Variants in PDE4D observed in about 807,000 individuals in gnomAD.
PDE4D encodes the protein phosphodiesterase 4D.
In PDE4D, 24 loss-of-function variants were observed where a neutral mutation model predicts 87.4. That is an observed-to-expected ratio of 0.27 (90% CI 0.20 to 0.39). PDE4D has a LOEUF of 0.39. PDE4D is among the 10% of genes least tolerant of loss of function. The pLI, the probability that PDE4D is intolerant of heterozygous loss-of-function variation, is 1.00. For synonymous variants in PDE4D, 384 were observed against 383.2 expected (o/e 1.00, Z -0.02); for missense variants, 714 against 1,041.0 (o/e 0.69, Z 4.32).
chr5:59,330,929 C>T (rs2153576782), intron 1 of PDE4D, among the ~76,000 whole-genome samples: 1 of 152,170 alleles, frequency 6.6e-6, no homozygotes, highest in East Asian at 1.9e-4. Context: ...GCACCAGCAC[C>T]TCCTCAAGGG....
intron 5 of PDE4D, among the ~76,000 whole-genome samples, chr5:59,078,704 T>C (rs1295414058): frequency 6.6e-6 from 1 of 151,704 alleles, no homozygotes; most frequent in Non-Finnish European, 1.5e-5. Context: ...ATTGATAGGG[T>C]TTCTTCATGT....
At chr5:59,333,291 C>T (rs1393200320) in intron 1 of PDE4D, among the ~76,000 whole-genome samples, 1 of 152,064 alleles carries the variant, frequency 6.6e-6, no homozygotes, top group African/African-American at 2.4e-5. Flanking sequence ...TGAAGGGCAG[C>T]ATTTTTCTTT....
chr5:60,206,639 T>TA (rs1252977449), intron 1 of PDE4D, among the ~76,000 whole-genome samples: 2 of 152,226 alleles, frequency 1.3e-5, no homozygotes, highest in Admixed American at 1.3e-4. Context: ...TGTGTGCTCA[T>TA]AAAATGCATA....
chr5:59,065,836 C>A (rs769509264), intron 5 of PDE4D, among the ~76,000 whole-genome samples: 1 of 152,084 alleles, frequency 6.6e-6, no homozygotes, highest in Admixed American at 6.6e-5. Flanking sequence ...TGATTTGGGA[C>A]TCTCTTATAA....
At chr5:59,031,387 ATAT>A (rs1757429619) in intron 6 of PDE4D, among the ~76,000 whole-genome samples, 1 of 71,696 alleles carries the variant, frequency 1.4e-5, no homozygotes, top group African/African-American at 6.6e-5. Flanking sequence ...ATATATATAT[ATAT>A]ATTATATATA....
Position 59,893,567 on chromosome 5 carries a change from T to C in PDE4D, c.56A>G (p.Asp19Gly). The C allele has an allele frequency of 6.5e-7, 1 of 1,530,346 alleles. No individual in the cohort carries two copies. The highest frequency in any genetic ancestry group is 8.8e-7 in the Non-Finnish European group (1 of 1,138,756). 94.8% of individuals were successfully genotyped at this position (1,530,346 alleles called of 1,614,324 possible). A position where few individuals can be genotyped will look rare whatever the true frequency, so the allele number is the denominator to read the frequency against. Residue 19 changes from aspartate to glycine, a missense_variant, in exon 1 of 15, where the codon GAC (aspartate) becomes GGC (glycine). By Grantham distance (94) the Asp-to-Gly change is moderately conservative (BLOSUM62 -1). This residue lies in a region of PDE4D where 268 missense variants were observed against 272.9 expected (regional missense o/e 0.98). Coordinates refer to ENST00000340635, the MANE Select transcript of PDE4D (RefSeq NM_001104631.2). ...PARAGSGEGS[D>G]SAGGATLKAP... is the part of the protein sequence containing the mutation. ...TTTGAGCGTGGCCCCGCCGGCGCTG[T>C]CGCTGCCCTCTCCGCTGCCCGCCCG... is the stretch of plus-strand genomic sequence containing the variant.
At chr5:60,087,766 C>G (rs1442192707) in intron 2 of PDE4D, among the ~76,000 whole-genome samples, 1 of 151,942 alleles carries the variant, frequency 6.6e-6, no homozygotes, top group Non-Finnish European at 1.5e-5. Context: ...ATCAAGCAAA[C>G]TAACTTCCAC....
Position 59,021,510 on chromosome 5 carries a change from C to T in PDE4D, c.921+17349G>A, listed in dbSNP as rs554223141. On this transcript the variant is annotated intron_variant, in intron 6 of 14. Transcript: ENST00000340635. ...GACCTTTTATGTTTAAAAATAGTTC[C>T]ATTCCTCATCCCTCCTAAGGATAGG... Among the ~76,000 whole-genome samples the T allele has an allele frequency of 2.0e-5, 3 of 152,216 alleles. No individual in the cohort carries two copies. In the South Asian group the frequency reaches 6.2e-4, roughly 32 times the overall value.
chr5:59,192,616 A>G (rs1333979564), intron 3 of PDE4D, among the ~76,000 whole-genome samples: 1 of 152,238 alleles, frequency 6.6e-6, no homozygotes, highest in Non-Finnish European at 1.5e-5. Context: ...AGGCCTGATT[A>G]TAATTTTTAC....
At chr5:60,491,737 A>G (rs572059512), upstream of PDE4D, among the ~76,000 whole-genome samples, 1 of 152,226 alleles carries the variant, frequency 6.6e-6, no homozygotes, top group Non-Finnish European at 1.5e-5. Context: ...TGCTTTAAAC[A>G]TGTAAAGCAG....
chr5:59,377,943 G>T (rs1305611534), intron 1 of PDE4D, among the ~76,000 whole-genome samples: 2 of 152,026 alleles, frequency 1.3e-5, no homozygotes, highest in South Asian at 2.1e-4. Flanking sequence ...ATACCCAAAG[G>T]AATAGAAATT....
chr5:60,046,654 T>C (rs1478240402), intron 2 of PDE4D, among the ~76,000 whole-genome samples: 1 of 152,234 alleles, frequency 6.6e-6, no homozygotes, highest in African/African-American at 2.4e-5. Flanking sequence ...GTTCTGTTTA[T>C]ATGCTGGATT....
intron 1 of PDE4D, among the ~76,000 whole-genome samples, chr5:59,460,585 A>C (rs1036005794): frequency 3.3e-5 from 5 of 152,196 alleles, no homozygotes; most frequent in African/African-American, 1.2e-4. Context: ...ATATGCTAAC[A>C]GTTGGCAGTG....
At chr5:59,296,418 A>T (rs928258044) in intron 1 of PDE4D, among the ~76,000 whole-genome samples, 1 of 151,338 alleles carries the variant, frequency 6.6e-6, no homozygotes, top group African/African-American at 2.4e-5. Flanking sequence ...CAATTTATTA[A>T]AAAAAAAATC....
intron 1 of PDE4D, among the ~76,000 whole-genome samples, chr5:60,485,190 T>C (rs1749041239): frequency 6.6e-6 from 1 of 152,190 alleles, no homozygotes; most frequent in Non-Finnish European, 1.5e-5. Context: ...GGTGGTGTGC[T>C]TTTTCTGTGG....
intron 1 of PDE4D, among the ~76,000 whole-genome samples, chr5:59,641,192 T>G (rs1219135888): frequency 6.6e-6 from 1 of 152,146 alleles, no homozygotes; most frequent in Non-Finnish European, 1.5e-5. Flanking sequence ...CTGACCAAAC[T>G]CAGTTTTTAC....
chr5:59,319,512 C>T (rs2153570575), intron 1 of PDE4D, among the ~76,000 whole-genome samples: 1 of 152,198 alleles, frequency 6.6e-6, no homozygotes, highest in Admixed American at 6.6e-5. Flanking sequence ...AGTAATTTTC[C>T]ATTGATTGGG....
chr5:59,699,980 TC>T (rs1247380634), intron 1 of PDE4D, among the ~76,000 whole-genome samples: 2 of 152,132 alleles, frequency 1.3e-5, no homozygotes, highest in African/African-American at 4.8e-5. Flanking sequence ...TCAGGCAGGA[TC>T]CCTTTAGTTT....
chr5:59,106,184 C>A (rs1771546888), intron 5 of PDE4D, among the ~76,000 whole-genome samples: 1 of 152,140 alleles, frequency 6.6e-6, no homozygotes. Context: ...TACACAGTTT[C>A]AGGAAGTTCA....
Sources: gnomAD v4.1 joint callset for allele counts (sites outside exome capture counted in the v4.1 genomes callset) on GRCh38, gnomAD v4.1.1 for gene constraint, gnomAD v4.1.1 regional missense constraint, MANE v1.5 for transcripts, NCBI Gene and HGNC (gene_info 2026-07-23, HGNC 2026-07-21) for gene names.